The following CEP131 variants were observed in gnomAD, a reference collection of about 807,000 sequenced individuals.
CEP131 encodes the protein centrosomal protein 131.
In CEP131, 99 loss-of-function variants were observed where a neutral mutation model predicts 136.8. The observed-to-expected ratio is 0.72, with a 90% CI of 0.62 to 0.86. The LOEUF is 0.86. Ranked by LOEUF, CEP131 falls within the 40% of genes least tolerant of loss-of-function variation. The pLI is 0.00. For missense variants in CEP131, 1,459 were observed against 1,463.0 expected, an observed-to-expected ratio of 1.00 and a Z score of 0.04; for synonymous variants, 646 against 612.7, an observed-to-expected ratio of 1.05 and a Z score of -0.80.
chr17:81,191,175 G>A lies in CEP131; in HGVS notation c.2765+18C>T. Reference sequence around the variant, plus strand: ...GTGGGCCTCCCCAGCTGGTGACCCAGCCATGGCGGGTCCTTACCGGCTCTC... The same window carrying A: ...GTGGGCCTCCCCAGCTGGTGACCCAACCATGGCGGGTCCTTACCGGCTCTC... On this transcript the variant is annotated intron_variant, in intron 22 of 25. Coordinates refer to ENST00000450824, the MANE Select transcript of CEP131 (RefSeq NM_014984.4). 2 of 1,610,206 alleles carry A rather than the reference G, an allele frequency of 1.2e-6. No individual in the cohort carries two copies. The highest frequency in any genetic ancestry group is 8.5e-7 in the Non-Finnish European group (1 of 1,178,242).
rs955677630 is a variant in CEP131 at position 81,197,864 on chromosome 17, C to A, written c.1495G>T (p.Ala499Ser). 3.1e-6 allele frequency: 5 copies of A among 1,612,980 alleles called. No homozygotes were observed. In the African/African-American group the frequency reaches 6.7e-5, roughly 21 times the overall value. ...TTTCCAAATTTCTCCAAGTTGTCAG[C>A]TGTCAGAGAGCTGGCGTCATCCTCC... The part of the protein sequence containing the change: ...SEEDDASSLT[A>S]DNLEKFGKLS... Residue 499 changes from alanine to serine, a missense_variant, in exon 13 of 26, where the codon GCT becomes TCT. Ala to Ser is a moderately conservative substitution (Grantham distance 99). Transcript: ENST00000450824.
chr17:81,193,236 AG>A (rs1468773739), intron 18 of CEP131, among the ~76,000 whole-genome samples: 45 of 152,286 alleles, frequency 3.0e-4, no homozygotes, highest in African/African-American at 1.1e-3. Flanking sequence ...CTCCGGCCTG[AG>A]GGTGCCAGGT....
In CEP131 at chr17:81,190,952, C is replaced by T. The variant is rs765497684; in HGVS notation, c.2898G>A (p.Gln966=). 26 of 1,605,336 alleles carry T rather than the reference C, an allele frequency of 1.6e-5. No individual in the cohort carries two copies. Among genetic ancestry groups the T allele is most frequent in the Non-Finnish European group, 2.0e-5 (24 of 1,179,866 alleles). ...GEAEGENLRL[Q]GLVRQKERAL... is the part of the protein sequence containing the mutation. ...CCCGCTCCTTCTGCCGCACAAGGCC[C>T]TGCAGACGCAGATTCTCGCCCTCGG... is the stretch of plus-strand genomic sequence containing the variant. The change falls in exon 23 of 26, where the codon CAG becomes CAA. Residue 966 remains glutamine (Q), a synonymous_variant. Coordinates refer to ENST00000450824, the MANE Select transcript of CEP131 (RefSeq NM_014984.4).
At chr17:81,195,783 C>G in intron 16 of CEP131, 52 bp downstream of exon 16, 1 of 1,519,798 alleles carries the variant, frequency 6.6e-7, no homozygotes, top group Non-Finnish European at 9.0e-7. Context: ...CCAGCTGAGC[C>G]TGGCCTGTGA....
In CEP131 at chr17:81,199,401, G is replaced by A. The variant is rs867036411; in HGVS notation, c.1172C>T (p.Ala391Val). ...SPTPGGTAHQ[A>V]LKANNTGGGL... ...CTCACCAGTATTGTTGGCCTTGAGG[G>A]CCTGGTGGGCAGTGCCGCCTGGTGT... Residue 391 changes from alanine to valine, a missense_variant, in exon 10 of 26, where the codon GCC becomes GTC. This residue lies in a region of CEP131 where 1,026 missense variants were observed against 964.2 expected (regional missense o/e 1.06). Coordinates refer to ENST00000450824, the MANE Select transcript of CEP131 (RefSeq NM_014984.4). 1 of 1,604,922 alleles carries A rather than the reference G, an allele frequency of 6.2e-7. No individual in the cohort carries two copies. Among genetic ancestry groups the A allele is most frequent in the African/African-American group, 1.3e-5 (1 of 75,010 alleles).
At chr17:81,196,325 C>T (rs529217873) in intron 15 of CEP131, among the ~76,000 whole-genome samples, 5 of 152,334 alleles carry the variant, frequency 3.3e-5, no homozygotes, top group African/African-American at 1.2e-4. Flanking sequence ...CTGCCGGCCC[C>T]AGGCCAGACC....
intron 7 of CEP131, among the ~76,000 whole-genome samples, chr17:81,201,729 G>A (rs987626414): frequency 6.6e-6 from 1 of 152,068 alleles, no homozygotes; most frequent in African/African-American, 2.4e-5. Flanking sequence ...ACCAGCCTTC[G>A]ACCTCCTGTG....
At chr17:81,210,023 TCAGAGCGCTCG>T (rs2062096059) in intron 2 of CEP131, among the ~76,000 whole-genome samples, 1 of 52,960 alleles carries the variant, frequency 1.9e-5, no homozygotes, top group Non-Finnish European at 4.0e-5. Flanking sequence ...TAAGCGAGGA[TCAGAGCGCTCG>T]GAGAAGCGGA....
chr17:81,203,482 AG>A lies in CEP131; in HGVS notation c.629+11del. On this transcript the variant is annotated intron_variant, in intron 6 of 25. Coordinates refer to ENST00000450824, the MANE Select transcript of CEP131 (RefSeq NM_014984.4). This position sits in a 1 kb window ranked among gnomAD's most constrained non-coding sequence, Gnocchi z 4.6. ...GACCCCGCAGCCCCGCGGCCTCCCCAGAAGACCTTACTTGAGGGAGGGGGCA... is the reference window on the plus strand; with the variant it reads ...GACCCCGCAGCCCCGCGGCCTCCCCAAAGACCTTACTTGAGGGAGGGGGCA... The A allele has an allele frequency of 6.3e-7, 1 of 1,585,978 alleles. No homozygotes were observed. The highest frequency in any genetic ancestry group is 8.6e-7 in the Non-Finnish European group (1 of 1,166,706).
rs796824129 is a variant in CEP131, at chr17:81,217,572, C to T, written c.177+2308G>A. On this transcript the variant is annotated intron_variant, in intron 2 of 25. Transcript: ENST00000450824. ...ACAACAGAAACCCCTGAGGTCACGTCACACACTGGCGGGGGTTCCTCTTCC... is the reference window on the plus strand; with the variant it reads ...ACAACAGAAACCCCTGAGGTCACGTTACACACTGGCGGGGGTTCCTCTTCC... Among the ~76,000 whole-genome samples the T allele has an allele frequency of 2.2e-4, 34 of 152,234 alleles. 1 individual carries two copies. Among genetic ancestry groups the T allele is most frequent in the African/African-American group, 8.2e-4 (34 of 41,542 alleles).
rs2061796769 is a variant in CEP131, at chr17:81,197,778, T to C, written c.1581A>G (p.Gln527=). The C allele has an allele frequency of 1.9e-6, 3 of 1,613,092 alleles. No individual in the cohort carries two copies. The highest frequency in any genetic ancestry group is 2.5e-6 in the Non-Finnish European group (3 of 1,179,942). Residue 527 remains glutamine (Q), a synonymous_variant, in exon 13 of 26, where the codon CAA becomes CAG. Coordinates refer to ENST00000450824, the MANE Select transcript of CEP131 (RefSeq NM_014984.4). ...DGTLLSEAKL[Q]SIMSFLDEME... is the part of the protein sequence containing the mutation. ...TCTCGTCCAAGAAGCTCATGATGCT[T>C]TGTAGCTTGGCCTCCGATAGCAGCG...
At position 81,196,567 on chromosome 17, in the gene CEP131, G is replaced by A. The variant is rs1480465259; in HGVS notation, c.1899+134C>T. Reference sequence around the variant, plus strand: ...GCTGGGAATGGCATGGGAAAGGCTTGGAATGCGTCCAGCGGACACCCGTGT... The same window carrying A: ...GCTGGGAATGGCATGGGAAAGGCTTAGAATGCGTCCAGCGGACACCCGTGT... On this transcript the variant is annotated intron_variant, in intron 15 of 25. Transcript: ENST00000450824. 4 of 1,341,166 alleles carry A rather than the reference G, an allele frequency of 3.0e-6. No homozygotes were observed. In the African/African-American group the frequency reaches 5.9e-5, roughly 20 times the overall value. 83.1% of individuals were successfully genotyped at this position (1,341,166 alleles called of 1,614,324 possible).
rs1041718617 is a variant in CEP131 at position 81,197,027 on chromosome 17, G to C, written c.1676C>G (p.Pro559Arg). The stretch of plus-strand genomic sequence containing the variant: ...GCTCACCTCGGACCCCAGCTCCAGG[G>C]GCCCCGGCCCCGCCTCCGGCACCCA... The part of the protein sequence containing the change: ...EGWVPEAGPG[P>R]LELGSEVSTS... Residue 559 changes from proline to arginine, a missense_variant, in exon 14 of 26, where the codon CCC (proline) becomes CGC (arginine). This residue lies in a region of CEP131 where 1,026 missense variants were observed against 964.2 expected (regional missense o/e 1.06). Coordinates refer to ENST00000450824, the MANE Select transcript of CEP131 (RefSeq NM_014984.4). 1.1e-5 allele frequency: 18 copies of C among 1,589,928 alleles called. No individual in the cohort carries two copies. The highest frequency in any genetic ancestry group is 1.5e-5 in the Non-Finnish European group (18 of 1,168,462).
rs2061943146 is a variant in CEP131, at chr17:81,203,620, AAG to A, written c.516-15_516-14del. ...TCCCTTGTTGCTCCTGCCAGGCCGG[AAG>A]AGAGACAGGAATGGTCAGGCCTCTG... is the stretch of plus-strand genomic sequence containing the variant. On this transcript the variant is annotated splice_polypyrimidine_tract_variant and intron_variant, in intron 5 of 25. Coordinates refer to ENST00000450824, the MANE Select transcript of CEP131 (RefSeq NM_014984.4). The surrounding 1 kb of genome is among the most constrained non-coding windows in gnomAD (Gnocchi z 4.6). The A allele has an allele frequency of 6.4e-7, 1 of 1,573,560 alleles. No homozygotes were observed. Among genetic ancestry groups the A allele is most frequent in the East Asian group, 2.3e-5 (1 of 43,168 alleles).
At chr17:81,200,293 G>A (rs748410876) in intron 8 of CEP131, 36 bp downstream of exon 8, 18 of 1,524,996 alleles carry the variant, frequency 1.2e-5, no homozygotes, top group Middle Eastern at 1.7e-4. Context: ...CAGACCCCCC[G>A]GGGGAGCATG....
At chr17:81,194,213 GC>G in intron 17 of CEP131, 86 bp from the exon 18 acceptor site, 1 of 1,294,482 alleles carries the variant, frequency 7.7e-7, no homozygotes, top group Non-Finnish European at 1.0e-6. Context: ...CCTGTCTCAG[GC>G]CCAGAGGGGA....
Position 81,190,514 on chromosome 17 carries a change from C to T in CEP131, c.3107+125G>A, listed in dbSNP as rs1598260039. On this transcript the variant is annotated intron_variant, in intron 24 of 25. Transcript: ENST00000450824. Reference sequence around the variant, plus strand: ...TGGAACCCACACCAGCCTCTGTCTACAGGGCCCTGTCTCTGCATCTCCTGG... The same window carrying T: ...TGGAACCCACACCAGCCTCTGTCTATAGGGCCCTGTCTCTGCATCTCCTGG... The T allele has an allele frequency of 9.6e-6, 12 of 1,249,370 alleles. No homozygotes were observed. In the East Asian group the frequency reaches 2.9e-4, roughly 30 times the overall value. 77.4% of individuals were successfully genotyped at this position (1,249,370 alleles called of 1,614,324 possible).
Position 81,189,912 on chromosome 17 carries a change from C to A in CEP131, c.3168+3G>T. ...TCCAGCAGGGCTGGCCACAGGGACT[C>A]ACCTCATGTTGTGTCCGGAGGCTGC... On this transcript the variant is annotated splice_donor_region_variant and intron_variant, in intron 25 of 25. Coordinates refer to ENST00000450824, the MANE Select transcript of CEP131 (RefSeq NM_014984.4). 6.2e-7 allele frequency: 1 copy of A among 1,612,968 alleles called. No individual in the cohort carries two copies. The highest frequency in any genetic ancestry group is 1.1e-5 in the South Asian group (1 of 91,074).
intron 20 of CEP131, 31 bp downstream of exon 20, chr17:81,192,445 C>T: frequency 6.2e-7 from 1 of 1,611,870 alleles, no homozygotes; most frequent in Non-Finnish European, 8.5e-7. Context: ...AGCCCCCTGG[C>T]CAGGCCCAGC....
Sources: allele counts gnomAD v4.1 joint callset (sites outside exome capture counted in the v4.1 genomes callset), GRCh38; gene constraint gnomAD v4.1.1; regional missense constraint gnomAD v4.1.1; non-coding constraint Gnocchi (gnomAD v3.1); transcripts MANE v1.5; gene names NCBI Gene and HGNC (gene_info 2026-07-23, HGNC 2026-07-21).